COPA: variants seen among roughly 807,000 people sequenced by gnomAD.
COPA encodes the protein coatomer subunit alpha.
COPA carries 10 observed loss-of-function variants against 158.7 expected under a neutral mutation model. That is an observed-to-expected ratio of 0.06 (90% CI 0.04 to 0.11). The LOEUF is 0.11. Ranked by LOEUF, COPA falls within the 10% of genes least tolerant of loss-of-function variation. The pLI, the probability that COPA is intolerant of heterozygous loss-of-function variation, is 1.00. For missense variants in COPA, 1,065 were observed against 1,536.7 expected, an observed-to-expected ratio of 0.69 and a Z score of 5.13; for synonymous variants, 462 against 542.8, an observed-to-expected ratio of 0.85 and a Z score of 2.07.
chr1:160,314,855 G>T (rs1037062197), intron 8 of COPA, among the ~76,000 whole-genome samples: 2 of 151,972 alleles, frequency 1.3e-5, no homozygotes, highest in African/African-American at 2.4e-5. Flanking sequence ...ACAAAGTCTA[G>T]TACAAAGGAG....
chr1:160,314,945 A>G (rs1009259506), intron 8 of COPA, among the ~76,000 whole-genome samples: 1 of 152,200 alleles, frequency 6.6e-6, no homozygotes, highest in African/African-American at 2.4e-5. Context: ...CCACAGGAAA[A>G]AAGGGAAAGA....
chr1:160,318,492 CAAAA>C (rs1184111001), intron 8 of COPA, among the ~76,000 whole-genome samples: 5 of 58,082 alleles, frequency 8.6e-5, no homozygotes, highest in Non-Finnish European at 1.4e-4. Context: ...AAAAAAAAAA[CAAAA>C]AAAAAAAAAA....
At chr1:160,302,304 CCAT>C (rs1248433244) in intron 17 of COPA, among the ~76,000 whole-genome samples, 1 of 151,880 alleles carries the variant, frequency 6.6e-6, no homozygotes, top group Non-Finnish European at 1.5e-5. Flanking sequence ...AATTTTAAAA[CCAT>C]CAAGTGTCTA....
intron 8 of COPA, among the ~76,000 whole-genome samples, chr1:160,314,578 C>T (rs1659075708): frequency 6.6e-6 from 1 of 152,176 alleles, no homozygotes. Flanking sequence ...GGCAGTGAGC[C>T]GTGAATGCAC....
chr1:160,339,789 T>C, intron 3 of COPA, 120 bp downstream of exon 3: 1 of 804,420 alleles, frequency 1.2e-6, no homozygotes, highest in Non-Finnish European at 2.0e-6. Flanking sequence ...CTCCGGATAA[T>C]GTTGTCAAAG....
At chr1:160,310,290 G>T in intron 11 of COPA, 32 bp from the exon 12 acceptor site, 1 of 1,397,674 alleles carries the variant, frequency 7.2e-7, no homozygotes, top group Non-Finnish European at 9.9e-7. Context: ...GGAGAAAACA[G>T]GGAAGAGGCA....
intron 21 of COPA, 71 bp downstream of exon 21, chr1:160,297,272 A>C (rs41265795): frequency 1.1e-5 from 15 of 1,334,656 alleles, no homozygotes; most frequent in Non-Finnish European, 1.4e-5. Context: ...CACTATACAC[A>C]GATTAACTCA....
intron 8 of COPA, chr1:160,317,776 G>A (rs1178981760): frequency 1.9e-6 from 2 of 1,056,076 alleles, no homozygotes; most frequent in Admixed American, 1.8e-5. Context: ...TTTGTAATGT[G>A]GTGTTAAAAA....
At chr1:160,296,559 A>G (rs12140856) in intron 21 of COPA, among the ~76,000 whole-genome samples, 9,129 of 152,294 alleles carry the variant, frequency 0.06, 359 homozygotes, top group East Asian at 0.13. Flanking sequence ...CTCCCCGGTG[A>G]GTCTTCAGAT....
intron 9 of COPA, among the ~76,000 whole-genome samples, chr1:160,313,396 T>C (rs1659032761): frequency 6.9e-6 from 1 of 145,634 alleles, no homozygotes; most frequent in African/African-American, 2.6e-5. Flanking sequence ...CTTTTCAGCA[T>C]AATTTTATGG....
At chr1:160,292,816 G>A (rs371431730) in intron 27 of COPA, among the ~76,000 whole-genome samples, 196 bp from the exon 28 acceptor site, 1 of 152,118 alleles carries the variant, frequency 6.6e-6, no homozygotes, top group Admixed American at 6.5e-5. Context: ...TTAAATAAAC[G>A]TTAGCAGTTA....
chr1:160,322,307 C>T (rs1659354085), intron 8 of COPA, among the ~76,000 whole-genome samples: 1 of 152,104 alleles, frequency 6.6e-6, no homozygotes, highest in Non-Finnish European at 1.5e-5. Flanking sequence ...TATAAATCCA[C>T]AAATCTATAG....
At chr1:160,294,137 G>C (rs1286908914) in intron 25 of COPA, among the ~76,000 whole-genome samples, 1 of 152,128 alleles carries the variant, frequency 6.6e-6, no homozygotes, top group East Asian at 1.9e-4. Context: ...CACTAACTTT[G>C]ACTCTCTCGT....
intron 17 of COPA, among the ~76,000 whole-genome samples, chr1:160,302,307 T>C (rs1658634420): frequency 6.6e-6 from 1 of 152,042 alleles, no homozygotes; most frequent in South Asian, 2.1e-4. Context: ...TTTAAAACCA[T>C]CAAGTGTCTA....
chr1:160,338,910 C>T (rs74123122), intron 3 of COPA, among the ~76,000 whole-genome samples: 5,030 of 152,202 alleles, frequency 0.033, 277 homozygotes, highest in African/African-American at 0.12. Context: ...CCCTTCATGA[C>T]GACAAATCAC....
intron 31 of COPA, 134 bp from the exon 32 acceptor site, chr1:160,290,820 T>TTC: frequency 1.3e-6 from 1 of 783,552 alleles, no homozygotes; most frequent in Non-Finnish European, 2.1e-6. Flanking sequence ...CCAACCTCTG[T>TTC]ACTGGATGTA....
chr1:160,333,505 G>T, intron 5 of COPA, 98 bp downstream of exon 5: 1 of 828,632 alleles, frequency 1.2e-6, no homozygotes. Context: ...AGCCGACATA[G>T]TCCATTTGAG....
At chr1:160,303,348 G>A (rs1658678960) in intron 17 of COPA, among the ~76,000 whole-genome samples, 1 of 152,204 alleles carries the variant, frequency 6.6e-6, no homozygotes, top group Non-Finnish European at 1.5e-5. Flanking sequence ...CATTATTTAA[G>A]ACAGTGTGGA....
At chr1:160,343,010 C>T in intron 1 of COPA, 121 bp downstream of exon 1, 1 of 1,216,458 alleles carries the variant, frequency 8.2e-7, no homozygotes, top group Non-Finnish European at 1.2e-6. Context: ...CACCCTCCGT[C>T]TTCCTCCGGG....
Sources: allele counts gnomAD v4.1 joint callset (sites outside exome capture counted in the v4.1 genomes callset), GRCh38; gene constraint gnomAD v4.1.1; transcripts MANE v1.5; gene names NCBI Gene and HGNC (gene_info 2026-07-23, HGNC 2026-07-21).